Variants in NEBL observed in about 807,000 individuals in gnomAD.
NEBL encodes the protein nebulette.
Under a neutral mutation model 140.2 loss-of-function variants are expected in NEBL, and 122 were observed. That is an observed-to-expected ratio of 0.87 (90% CI 0.75 to 1.01). The LOEUF is 1.01. Ranked by LOEUF, NEBL falls within the 50% of genes least tolerant of loss-of-function variation. The pLI is 0.00. For missense variants in NEBL, 1,365 were observed against 1,231.3 expected (o/e 1.11, Z -1.62); for synonymous variants, 436 against 398.9 (o/e 1.09, Z -1.11).
intron 17 of NEBL, 46 bp from the exon 18 acceptor site, chr10:20,826,585 C>G: frequency 7.0e-7 from 1 of 1,426,022 alleles, no homozygotes; most frequent in South Asian, 1.1e-5. Context: ...TGTCAGAATT[C>G]AAGTCCTAGA....
At chr10:21,116,277 A>T (rs1430815690) in intron 2 of NEBL, among the ~76,000 whole-genome samples, 1 of 152,168 alleles carries the variant, frequency 6.6e-6, no homozygotes, top group Non-Finnish European at 1.5e-5. Context: ...CAAGCTGCCA[A>T]CCAATTCATT....
At chr10:20,833,249 T>C (rs1057423212) in intron 14 of NEBL, among the ~76,000 whole-genome samples, 1 of 152,192 alleles carries the variant, frequency 6.6e-6, no homozygotes, top group African/African-American at 2.4e-5. Context: ...GAGTCACATT[T>C]GCTGATGTCT....
At chr10:20,902,438 A>G (rs768066246) in intron 4 of NEBL, among the ~76,000 whole-genome samples, 3 of 152,082 alleles carry the variant, frequency 2.0e-5, no homozygotes, top group Non-Finnish European at 2.9e-5. Context: ...GGTATATTCC[A>G]TATGTATATT....
At chr10:20,792,913 CGT>C (rs1836141315) in intron 26 of NEBL, among the ~76,000 whole-genome samples, 1 of 152,114 alleles carries the variant, frequency 6.6e-6, no homozygotes, top group Non-Finnish European at 1.5e-5. Context: ...TGCTTTTACA[CGT>C]GTCACTGAGA....
chr10:20,897,327 T>C, upstream of NEBL: 1 of 1,491,632 alleles, frequency 6.7e-7, no homozygotes, highest in Non-Finnish European at 8.8e-7. Flanking sequence ...TGCCCAAGCC[T>C]CAGCCCTATT....
intron 13 of NEBL, among the ~76,000 whole-genome samples, chr10:20,840,353 G>A (rs866990854): frequency 3.5e-4 from 53 of 152,092 alleles, no homozygotes; most frequent in African/African-American, 1.1e-3. Flanking sequence ...TCAAACAGCA[G>A]CCCAGGGCAA....
intron 1 of NEBL, among the ~76,000 whole-genome samples, chr10:21,290,805 C>T (rs1843131871): frequency 6.6e-6 from 1 of 152,224 alleles, no homozygotes; most frequent in Admixed American, 6.5e-5. Flanking sequence ...ACCTACACCC[C>T]CCATTTCCCT....
intron 4 of NEBL, among the ~76,000 whole-genome samples, chr10:20,913,071 T>G (rs571342503): frequency 2.8e-4 from 42 of 151,972 alleles, no homozygotes; most frequent in African/African-American, 1.0e-3. Flanking sequence ...TGTAAATTGT[T>G]TTGAACAGAG....
At chr10:20,803,812 A>AATATATATATAT (rs773980585) in intron 26 of NEBL, among the ~76,000 whole-genome samples, 41 of 143,558 alleles carry the variant, frequency 2.9e-4, no homozygotes, top group Admixed American at 3.5e-4. Context: ...CTGTACGAAA[A>AATATATATATAT]ATATATATAT....
chr10:20,994,434 C>A (rs1347156457), intron 3 of NEBL, among the ~76,000 whole-genome samples: 1 of 152,176 alleles, frequency 6.6e-6, no homozygotes, highest in Non-Finnish European at 1.5e-5. Flanking sequence ...CCTCAAAAAT[C>A]ACTGCATTAA....
intron 20 of NEBL, among the ~76,000 whole-genome samples, chr10:20,817,939 T>C (rs1207393984): frequency 6.6e-6 from 1 of 152,168 alleles, no homozygotes; most frequent in Admixed American, 6.5e-5. Context: ...AAATTAACCA[T>C]AAATTCCACA....
chr10:20,810,785 A>G (rs1838064042), intron 24 of NEBL, among the ~76,000 whole-genome samples: 1 of 152,230 alleles, frequency 6.6e-6, no homozygotes, highest in Admixed American at 6.5e-5. Flanking sequence ...AAAAACAATT[A>G]ATTTGTAAAA....
chr10:21,255,323 G>A (rs1441018576), intron 1 of NEBL, among the ~76,000 whole-genome samples: 1 of 152,044 alleles, frequency 6.6e-6, no homozygotes, highest in East Asian at 1.9e-4. Context: ...AAGGTTGAGA[G>A]GAGGAGTCAG....
intron 19 of NEBL, 55 bp downstream of exon 19, chr10:20,823,153 A>G: frequency 7.7e-7 from 1 of 1,292,410 alleles, no homozygotes; most frequent in Non-Finnish European, 1.1e-6. Context: ...TTATGCTGTC[A>G]TTACGTGTTG....
chr10:21,267,087 G>C (rs1335308422), intron 1 of NEBL, among the ~76,000 whole-genome samples: 6 of 152,064 alleles, frequency 3.9e-5, no homozygotes, highest in Non-Finnish European at 2.9e-5. Flanking sequence ...CAATTCTCCT[G>C]CCTCAGCCTC....
intron 1 of NEBL, among the ~76,000 whole-genome samples, chr10:21,254,829 C>G (rs1321365160): frequency 1.3e-5 from 2 of 152,132 alleles, no homozygotes; most frequent in African/African-American, 4.8e-5. Flanking sequence ...CTGCCCATGA[C>G]TGCCTGACCC....
chr10:21,027,104 A>G (rs1002328490), intron 2 of NEBL, among the ~76,000 whole-genome samples: 1 of 151,928 alleles, frequency 6.6e-6, no homozygotes, highest in East Asian at 1.9e-4. Flanking sequence ...ACCTTTGCTG[A>G]TTTTGCTCTG....
intron 3 of NEBL, among the ~76,000 whole-genome samples, chr10:21,009,668 G>A (rs1480726878): frequency 6.6e-6 from 1 of 152,164 alleles, no homozygotes; most frequent in Non-Finnish European, 1.5e-5. Flanking sequence ...CAATACAATT[G>A]TCCCAAACGG....
intron 4 of NEBL, among the ~76,000 whole-genome samples, chr10:20,952,904 CAAAAAAAAAAA>C (rs34713711): frequency 1.6e-5 from 1 of 62,356 alleles, no homozygotes; most frequent in Admixed American, 2.3e-4. Flanking sequence ...GACCCTGTCT[CAAAAAAAAAAA>C]AAAAAAAAAA....
Sources: allele counts gnomAD v4.1 joint callset (sites outside exome capture counted in the v4.1 genomes callset), GRCh38; gene constraint gnomAD v4.1.1; transcripts MANE v1.5; gene names NCBI Gene and HGNC (gene_info 2026-07-23, HGNC 2026-07-21).